RBFOX1: variants seen among roughly 807,000 people sequenced by gnomAD.
The protein encoded by RBFOX1 is RNA binding protein fox-1 homolog 1.
RBFOX1 carries 8 observed loss-of-function variants against 57.7 expected under a neutral mutation model. The observed-to-expected ratio is 0.14, with a 90% CI of 0.08 to 0.25. RBFOX1 has a LOEUF of 0.25. Ranked by LOEUF, RBFOX1 falls within the 10% of genes least tolerant of loss-of-function variation. The probability of loss-of-function intolerance (pLI) is 1.00; values close to 1 mark genes in which losing one functional copy is unlikely to be tolerated. For missense variants in RBFOX1, 611 were observed against 548.5 expected (o/e 1.11, Z -1.14); for synonymous variants, 326 against 222.4 (o/e 1.47, Z -4.15).
intron 4 of RBFOX1, among the ~76,000 whole-genome samples, chr16:7,091,965 A>T (rs189254692): frequency 6.6e-6 from 1 of 152,188 alleles, no homozygotes; most frequent in South Asian, 2.1e-4. Context: ...TTTGTTTGAC[A>T]TTCTCTTTTC....
chr16:7,046,369 G>T (rs1318824755), intron 3 of RBFOX1, among the ~76,000 whole-genome samples: 1 of 151,880 alleles, frequency 6.6e-6, no homozygotes. Context: ...ATTTCTCTCA[G>T]TCTACAAGAC....
At chr16:6,845,084 T>C (rs955917487) in intron 3 of RBFOX1, among the ~76,000 whole-genome samples, 4 of 152,198 alleles carry the variant, frequency 2.6e-5, no homozygotes, top group Non-Finnish European at 5.9e-5. Flanking sequence ...ATATTAGACC[T>C]TTGTCAGATG....
Position 6,450,828 on chromosome 16 carries a change from T to TATATATATAC in RBFOX1, c.-64+133779_-64+133780insACATATATAT, listed in dbSNP as rs2094595569. 1.5e-4 allele frequency among the ~76,000 whole-genome samples: 4 copies of TATATATATAC among 27,392 alleles called. 1 individual carries two copies. Among genetic ancestry groups the TATATATATAC allele is most frequent in the African/African-American group, 9.5e-4 (4 of 4,194 alleles). The allele number at this position is 27,392 out of a possible 152,430, so 18.0% of individuals were successfully genotyped here. ...ATATATATATATATACATATATATA[T>TATATATATAC]ATATATATGTGTATATATATATATA... is the stretch of plus-strand genomic sequence containing the variant. On this transcript the variant is annotated intron_variant, in intron 2 of 15. Coordinates refer to ENST00000550418, the MANE Select transcript of RBFOX1 (RefSeq NM_018723.4).
At chr16:7,088,154 G>T (rs1279472457) in intron 4 of RBFOX1, among the ~76,000 whole-genome samples, 2 of 152,174 alleles carry the variant, frequency 1.3e-5, no homozygotes, top group South Asian at 2.1e-4. Flanking sequence ...GGTTTGGGGG[G>T]ATGTACGGTT....
At chr16:6,205,206 T>C (rs1303297495) in intron 1 of RBFOX1, among the ~76,000 whole-genome samples, 1 of 152,174 alleles carries the variant, frequency 6.6e-6, no homozygotes, top group Non-Finnish European at 1.5e-5. Context: ...CTGCTTCATA[T>C]ATGGGAGACT....
intron 5 of RBFOX1, among the ~76,000 whole-genome samples, chr16:7,552,019 T>C (rs1332488214): frequency 6.6e-6 from 1 of 152,168 alleles, no homozygotes; most frequent in Non-Finnish European, 1.5e-5. Flanking sequence ...CTCTATGATG[T>C]TCAGGGCAGG....
chr16:7,219,403 G>T (rs536664853), intron 4 of RBFOX1, among the ~76,000 whole-genome samples: 1 of 152,314 alleles, frequency 6.6e-6, no homozygotes, highest in Admixed American at 6.5e-5. Context: ...ACCGTTAAGA[G>T]TAATTGATGA....
chr16:5,424,976 T>G (rs973973107), intron 1 of RBFOX1, among the ~76,000 whole-genome samples: 3 of 33,100 alleles, frequency 9.1e-5, no homozygotes, highest in African/African-American at 6.3e-4. Context: ...CTTTCTTTCT[T>G]TCTTTTCTTT....
At chr16:5,969,636 T>G (rs1037917603) in intron 4 of RBFOX1, among the ~76,000 whole-genome samples, 29 of 152,076 alleles carry the variant, frequency 1.9e-4, no homozygotes, top group African/African-American at 6.5e-4. Context: ...TTGTTCATTT[T>G]TAAGTGATAT....
intron 4 of RBFOX1, among the ~76,000 whole-genome samples, chr16:7,096,251 A>G (rs1389067987): frequency 6.6e-6 from 1 of 152,158 alleles, no homozygotes; most frequent in Non-Finnish European, 1.5e-5. Flanking sequence ...TGCAGAGCTA[A>G]GTGGAGACTC....
At chr16:7,427,727 C>T (rs541305661) in intron 4 of RBFOX1, among the ~76,000 whole-genome samples, 44 of 152,078 alleles carry the variant, frequency 2.9e-4, no homozygotes, top group African/African-American at 1.1e-3. Context: ...GATCTCACCT[C>T]ACTGCAAACT....
chr16:6,670,288 T>C (rs1477300076), intron 3 of RBFOX1, among the ~76,000 whole-genome samples: 1 of 152,118 alleles, frequency 6.6e-6, no homozygotes, highest in African/African-American at 2.4e-5. Flanking sequence ...CAGGCTGGCT[T>C]CCAAGTCCGG....
chr16:5,911,013 C>T lies in RBFOX1; in HGVS notation c.351+43678C>T, dbSNP rs972027629. On this transcript the variant is annotated intron_variant, in intron 4 of 19. Coordinates refer to the RBFOX1 transcript ENST00000641259. ...ATAATGCAAATCATGCCCCCTTTCT[C>T]ACCTCTCTTATCTGTAATCATACCC... is the stretch of plus-strand genomic sequence containing the variant. Among the ~76,000 whole-genome samples the T allele has an allele frequency of 1.1e-4, 16 of 152,304 alleles. No individual in the cohort carries two copies. The South Asian group carries it at 1.2e-3, about 12-fold the overall frequency.
At chr16:7,101,862 C>G (rs1159682168) in intron 4 of RBFOX1, among the ~76,000 whole-genome samples, 1 of 152,038 alleles carries the variant, frequency 6.6e-6, no homozygotes, top group African/African-American at 2.4e-5. Context: ...ATCCCAGGTC[C>G]AGGGATTGTA....
rs117477577 is a variant in RBFOX1 at position 6,489,304 on chromosome 16, G to C, written c.-63-165299G>C. On this transcript the variant is annotated intron_variant, in intron 2 of 15. Coordinates refer to ENST00000550418, the MANE Select transcript of RBFOX1 (RefSeq NM_018723.4). ...GCATTATTTTCCTCTTATCTTTAAA[G>C]GTTTGGCACATAGGTTTATTGGTTT... Among the ~76,000 whole-genome samples, 10 of 152,222 alleles carry C rather than the reference G, an allele frequency of 6.6e-5. No homozygotes were observed. In the East Asian group the frequency reaches 1.7e-3, roughly 26 times the overall value.
At chr16:6,992,944 G>C (rs773768157) in intron 3 of RBFOX1, among the ~76,000 whole-genome samples, 8 of 151,928 alleles carry the variant, frequency 5.3e-5, no homozygotes, top group Non-Finnish European at 8.8e-5. Context: ...GTAGAATGCA[G>C]ACTCCTTCTT....
intron 2 of RBFOX1, among the ~76,000 whole-genome samples, chr16:6,462,303 G>A (rs2094938070): frequency 6.6e-6 from 1 of 152,180 alleles, no homozygotes; most frequent in African/African-American, 2.4e-5. Context: ...CCCCTTTGCT[G>A]ATACAATTAT....
intron 4 of RBFOX1, among the ~76,000 whole-genome samples, chr16:7,119,974 A>G (rs1045634153): frequency 3.3e-5 from 5 of 152,098 alleles, no homozygotes; most frequent in Admixed American, 3.3e-4. Context: ...TAACAAATTT[A>G]AAATAATTGA....
rs2063040813 is a variant in RBFOX1 at position 7,103,437 on chromosome 16, G to A, written c.27+51339G>A. ...CCTACATACTAGCTAGGAAGCAGAA[G>A]GCCACCTTCAGTCCTGCTGAATTTA... On this transcript the variant is annotated intron_variant, in intron 4 of 15. Coordinates refer to ENST00000550418, the MANE Select transcript of RBFOX1 (RefSeq NM_018723.4). Among the ~76,000 whole-genome samples, 6 of 152,108 alleles carry A rather than the reference G, an allele frequency of 3.9e-5. No individual in the cohort carries two copies. In the South Asian group the frequency reaches 1.0e-3, roughly 26 times the overall value.
Sources: gnomAD v4.1 joint callset for allele counts (sites outside exome capture counted in the v4.1 genomes callset) on GRCh38, gnomAD v4.1.1 for gene constraint, MANE v1.5 for transcripts, NCBI Gene and HGNC (gene_info 2026-07-23, HGNC 2026-07-21) for gene names.